Variants in NMNAT3 observed in about 807,000 individuals in gnomAD.
The protein encoded by NMNAT3 is nicotinamide nucleotide adenylyltransferase 3, also known as nicotinamide/nicotinic acid mononucleotide adenylyltransferase 3.
A neutral mutation model predicts 24.8 loss-of-function variants in NMNAT3; 21 were observed. The observed-to-expected ratio is 0.85, with a 90% CI of 0.60 to 1.22. The LOEUF (loss-of-function observed/expected upper bound fraction) is 1.22. Ranked by LOEUF, NMNAT3 falls within the 50% of genes most tolerant of loss-of-function variation. The pLI is 0.00. For synonymous variants in NMNAT3, 136 were observed against 155.2 expected (o/e 0.88, Z 0.92); for missense variants, 387 against 436.6 (o/e 0.89, Z 1.01).
At chr3:139,595,487 G>A (rs1305821547) in intron 3 of NMNAT3, among the ~76,000 whole-genome samples, 1 of 152,200 alleles carries the variant, frequency 6.6e-6, no homozygotes, top group South Asian at 2.1e-4. Context: ...AACCAAAAAA[G>A]AGCCCGCATT....
At chr3:139,582,211 A>AAAAG in intron 4 of NMNAT3, among the ~76,000 whole-genome samples, 1 of 151,272 alleles carries the variant, frequency 6.6e-6, no homozygotes, top group Non-Finnish European at 1.5e-5. Flanking sequence ...AAAAAAAAAA[A>AAAAG]AAAGAAAAAA....
rs560628470 is a variant in NMNAT3 at position 139,573,104 on chromosome 3, C to A, written c.658+494G>T. 4.6e-5 allele frequency among the ~76,000 whole-genome samples: 7 copies of A among 152,328 alleles called. No homozygotes were observed. In the South Asian group the frequency reaches 1.4e-3, roughly 32 times the overall value. ...TTACAACACTTCCTGGCTTACACAT[C>A]TAGGCTTACAAATTAAGAGGATAAT... is the stretch of plus-strand genomic sequence containing the variant. On this transcript the variant is annotated intron_variant, in intron 6 of 6. Transcript: ENST00000643695.
chr3:139,672,307 G>C (rs1014735795), intron 1 of NMNAT3, among the ~76,000 whole-genome samples: 2 of 152,180 alleles, frequency 1.3e-5, no homozygotes, highest in African/African-American at 4.8e-5. Context: ...CTGATGGAAG[G>C]GGGAAGGCAG....
At chr3:139,618,701 C>G (rs1399901722) in intron 3 of NMNAT3, among the ~76,000 whole-genome samples, 1 of 152,204 alleles carries the variant, frequency 6.6e-6, no homozygotes, top group Non-Finnish European at 1.5e-5. Context: ...AAGTTTCATT[C>G]AGACTTAATC....
chr3:139,568,135 G>A (rs1199267150), intron 6 of NMNAT3: 3 of 152,306 alleles, frequency 2.0e-5, no homozygotes, highest in Admixed American at 1.3e-4. Flanking sequence ...GCATAGAGGT[G>A]TTTATAGTAT....
intron 3 of NMNAT3, among the ~76,000 whole-genome samples, chr3:139,614,641 C>G (rs1239945266): frequency 6.6e-6 from 1 of 152,260 alleles, no homozygotes; most frequent in East Asian, 1.9e-4. Flanking sequence ...TCTGGCAGAA[C>G]CAGCACAGAA....
At chr3:139,627,279 T>C (rs1198139299) in intron 3 of NMNAT3, among the ~76,000 whole-genome samples, 2 of 152,144 alleles carry the variant, frequency 1.3e-5, no homozygotes, top group Non-Finnish European at 2.9e-5. Context: ...ATGCTACCTA[T>C]TCATCTGGCT....
At chr3:139,565,399 A>G (rs1018091146) in intron 6 of NMNAT3, 71 of 152,330 alleles carry the variant, frequency 4.7e-4, no homozygotes, top group African/African-American at 1.7e-3. Context: ...TTTAGGGTAC[A>G]TGTGCACAAC....
At chr3:139,664,614 C>CT (rs1295494488) in intron 1 of NMNAT3, among the ~76,000 whole-genome samples, 6 of 152,208 alleles carry the variant, frequency 3.9e-5, no homozygotes, top group Non-Finnish European at 5.9e-5. Context: ...GCACCATCAT[C>CT]TATTTGGTAA....
intron 1 of NMNAT3, among the ~76,000 whole-genome samples, chr3:139,651,176 C>CA (rs1406368901): frequency 1.3e-5 from 2 of 152,136 alleles, no homozygotes; most frequent in African/African-American, 4.8e-5. Context: ...GTAAGAGACC[C>CA]ACTCAGGCCT....
At position 139,658,939 on chromosome 3, in the gene NMNAT3, C is replaced by T. The variant is rs1050721712; in HGVS notation, c.-141+18766G>A. Among the ~76,000 whole-genome samples the T allele has an allele frequency of 2.0e-5, 3 of 152,262 alleles. No individual in the cohort carries two copies. The South Asian group carries it at 6.2e-4, about 32-fold the overall frequency. On this transcript the variant is annotated intron_variant, in intron 1 of 6. Transcript: ENST00000643695. ...CCTTCCCTCTCAATCCCCCTGCACC[C>T]CTCCCTCAAGCAGCCACTATTCTAA...
chr3:139,664,227 C>T (rs1388584127), intron 1 of NMNAT3, among the ~76,000 whole-genome samples: 1 of 152,014 alleles, frequency 6.6e-6, no homozygotes, highest in Non-Finnish European at 1.5e-5. Context: ...GTCTAGCATC[C>T]CCAAGTTAGA....
intron 6 of NMNAT3, chr3:139,572,288 G>A: frequency 2.5e-6 from 1 of 398,336 alleles, no homozygotes; most frequent in Non-Finnish European, 4.4e-6. Flanking sequence ...TGAATACTGG[G>A]CACTGTGCTT....
chr3:139,571,623 G>A (rs1353142449), intron 6 of NMNAT3: 1 of 152,614 alleles, frequency 6.6e-6, no homozygotes, highest in Admixed American at 6.5e-5. Flanking sequence ...GATTAAGTTG[G>A]TAGCCCCTAG....
At chr3:139,661,381 G>T (rs553881975) in intron 1 of NMNAT3, among the ~76,000 whole-genome samples, 1 of 152,142 alleles carries the variant, frequency 6.6e-6, no homozygotes, top group Non-Finnish European at 1.5e-5. Flanking sequence ...ATATAGAAAA[G>T]TAGAGGGCTA....
rs140979498 is a variant in NMNAT3 at position 139,671,618 on chromosome 3, T to TCACACA, written c.-141+6081_-141+6086dup. On this transcript the variant is annotated intron_variant, in intron 1 of 6. Transcript: ENST00000643695. ...CAGTGGTATCCTTTCTCTCTCTCTC[T>TCACACA]CACACACACACACACACAAACATTA... Among the ~76,000 whole-genome samples, 91 of 150,664 alleles carry TCACACA rather than the reference T, an allele frequency of 6.0e-4. 1 individual carries two copies. The East Asian group carries it at 6.9e-3, about 11-fold the overall frequency.
intron 1 of NMNAT3, among the ~76,000 whole-genome samples, chr3:139,654,415 C>T (rs1165330412): frequency 6.6e-6 from 1 of 152,222 alleles, no homozygotes; most frequent in Non-Finnish European, 1.5e-5. Flanking sequence ...AGTAAGAAAA[C>T]TTGCTTTCTG....
intron 1 of NMNAT3, among the ~76,000 whole-genome samples, chr3:139,666,507 CTT>C (rs1275229396): frequency 1.3e-5 from 2 of 152,208 alleles, no homozygotes; most frequent in Admixed American, 6.5e-5. Context: ...GATAGGGTAA[CTT>C]GTGATATTTT....
intron 3 of NMNAT3, among the ~76,000 whole-genome samples, chr3:139,611,035 T>TG (rs56354350): frequency 2.0e-5 from 3 of 151,600 alleles, no homozygotes; most frequent in African/African-American, 7.3e-5. Flanking sequence ...TTGGTGAGGA[T>TG]GGGGGGGGTG....
Sources: gnomAD v4.1 joint callset for allele counts (sites outside exome capture counted in the v4.1 genomes callset) on GRCh38, gnomAD v4.1.1 for gene constraint, MANE v1.5 for transcripts, NCBI Gene and HGNC (gene_info 2026-07-23, HGNC 2026-07-21) for gene names.